The following SEC11C variants were observed in gnomAD, a reference collection of about 807,000 sequenced individuals.
SEC11C encodes the protein signal peptidase complex catalytic subunit SEC11C.
In SEC11C, 10 loss-of-function variants were observed where a neutral mutation model predicts 21.9. That is an observed-to-expected ratio of 0.46 (90% CI 0.28 to 0.77). SEC11C has a LOEUF of 0.77. SEC11C is among the 30% of genes least tolerant of loss of function. The pLI is 0.12. For missense variants in SEC11C, 145 were observed against 244.5 expected, an observed-to-expected ratio of 0.59 and a Z score of 2.71; for synonymous variants, 83 against 85.6, an observed-to-expected ratio of 0.97 and a Z score of 0.17.
At chr18:59,146,176 A>G (rs1293520319) in intron 1 of SEC11C, among the ~76,000 whole-genome samples, 1 of 152,148 alleles carries the variant, frequency 6.6e-6, no homozygotes, top group Non-Finnish European at 1.5e-5. Context: ...AGCAGTGGGA[A>G]TAGAGAGACC....
chr18:59,152,983 A>C (rs2069376316), intron 3 of SEC11C: 1 of 188,252 alleles, frequency 5.3e-6, no homozygotes, highest in South Asian at 1.8e-4. Context: ...AGTTATTTGA[A>C]GGAGCTCAAA....
chr18:59,155,974 A>T (rs1169000219), intron 4 of SEC11C, 167 bp downstream of exon 4: 1 of 709,862 alleles, frequency 1.4e-6, no homozygotes, highest in Middle Eastern at 4.1e-4. Flanking sequence ...AGAAATTCCT[A>T]AAGACCTAAA....
Position 59,155,827 on chromosome 18 carries a change from TTA to T in SEC11C, c.467+25_467+26del, listed in dbSNP as rs1164313533. On this transcript the variant is annotated intron_variant, in intron 4 of 5. Coordinates refer to ENST00000587834, the MANE Select transcript of SEC11C (RefSeq NM_033280.4). Reference sequence around the variant, plus strand: ...AAGAGGGTGAGGATTCACCTTTAAGTTATATAGAAGGTTATGAAAAACACTTA... The same window carrying T: ...AAGAGGGTGAGGATTCACCTTTAAGTTATAGAAGGTTATGAAAAACACTTA... The T allele has an allele frequency of 1.9e-6, 3 of 1,611,950 alleles. No homozygotes were observed. The highest frequency in any genetic ancestry group is 2.2e-5 in the East Asian group (1 of 44,832).
rs1418907951 is a variant in SEC11C at position 59,158,713 on chromosome 18, T to A, written c.*28T>A. On this transcript the variant is annotated 3_prime_UTR_variant, in exon 6 of 6. Transcript: ENST00000587834. Reference sequence around the variant, plus strand: ...TGAGAAGCAGTTCCTGGGACCAGATTGAAATGAATTCTGTTGAAAAAGAGA... The same window carrying A: ...TGAGAAGCAGTTCCTGGGACCAGATAGAAATGAATTCTGTTGAAAAAGAGA... 1 of 1,575,808 alleles carries A rather than the reference T, an allele frequency of 6.3e-7. No homozygotes were observed. Among genetic ancestry groups the A allele is most frequent in the African/African-American group, 1.3e-5 (1 of 74,144 alleles).
chr18:59,140,161 C>T (rs1017998111), intron 1 of SEC11C, 126 bp downstream of exon 1: 2 of 793,908 alleles, frequency 2.5e-6, no homozygotes, highest in African/African-American at 1.8e-5. Context: ...AGCTCCCGCG[C>T]TGGGCTCTCA....
intron 1 of SEC11C, chr18:59,147,729 AC>A (rs35837095): frequency 0.11 from 17,124 of 151,966 alleles, 1,478 homozygotes; most frequent in East Asian, 0.39. Flanking sequence ...AAGCAGTGAG[AC>A]CCCTCGCTCT....
chr18:59,158,336 G>A (rs1440572283), intron 5 of SEC11C, among the ~76,000 whole-genome samples: 3 of 151,930 alleles, frequency 2.0e-5, no homozygotes, highest in South Asian at 2.1e-4. Context: ...GATTACAGGC[G>A]TGTATCCATA....
At chr18:59,147,467 T>C (rs1647136103) in intron 1 of SEC11C, 1 of 152,118 alleles carries the variant, frequency 6.6e-6, no homozygotes, top group African/African-American at 2.4e-5. Flanking sequence ...TTAGAAGTTA[T>C]CAGTTACTCC....
intron 1 of SEC11C, among the ~76,000 whole-genome samples, chr18:59,140,858 G>A (rs900870185): frequency 7.2e-5 from 11 of 152,106 alleles, no homozygotes; most frequent in Admixed American, 6.5e-5. Flanking sequence ...GGATTGGAAA[G>A]GAAGCCCTCT....
At chr18:59,154,701 G>A (rs1479901199) in intron 3 of SEC11C, among the ~76,000 whole-genome samples, 1 of 152,198 alleles carries the variant, frequency 6.6e-6, no homozygotes, top group Non-Finnish European at 1.5e-5. Flanking sequence ...AAATTACTTT[G>A]TGCTCAAATC....
intron 3 of SEC11C, chr18:59,152,895 A>G (rs1026153792): frequency 7.3e-6 from 3 of 411,128 alleles, no homozygotes; most frequent in Non-Finnish European, 1.3e-5. Flanking sequence ...TGAGAATTAA[A>G]TGAACTAATG....
At chr18:59,142,418 G>A (rs939180430) in intron 1 of SEC11C, among the ~76,000 whole-genome samples, 4 of 152,104 alleles carry the variant, frequency 2.6e-5, no homozygotes, top group Non-Finnish European at 4.4e-5. Context: ...GTCTGAAAAC[G>A]GCAATCGTTG....
chr18:59,150,671 C>G (rs559867575), intron 2 of SEC11C, among the ~76,000 whole-genome samples: 1 of 152,130 alleles, frequency 6.6e-6, no homozygotes, highest in African/African-American at 2.4e-5. Flanking sequence ...TCACATGCAA[C>G]AGCACCACCT....
At chr18:59,152,411 C>A in intron 2 of SEC11C, 125 bp from the exon 3 acceptor site, 1 of 984,126 alleles carries the variant, frequency 1.0e-6, no homozygotes, top group Non-Finnish European at 1.5e-6. Context: ...AAGAAGGAAG[C>A]CACATTGGCT....
chr18:59,157,392 A>G, intron 4 of SEC11C: 1 of 455,020 alleles, frequency 2.2e-6, no homozygotes. Flanking sequence ...ATCTCAACCC[A>G]AGTGCCTACT....
chr18:59,149,662 C>T, intron 2 of SEC11C, 40 bp downstream of exon 2: 1 of 1,345,868 alleles, frequency 7.4e-7, no homozygotes, highest in Middle Eastern at 1.8e-4. Context: ...CAACCTCCAT[C>T]ACAAGGCTGC....
At chr18:59,148,714 C>T (rs891044920) in intron 1 of SEC11C, among the ~76,000 whole-genome samples, 1 of 151,952 alleles carries the variant, frequency 6.6e-6, no homozygotes, top group East Asian at 1.9e-4. Context: ...CCCGGGTTCA[C>T]GCCATTCTCC....
At chr18:59,147,776 C>T (rs2069294196) in intron 1 of SEC11C, 1 of 152,268 alleles carries the variant, frequency 6.6e-6, no homozygotes, top group Non-Finnish European at 1.5e-5. Flanking sequence ...CCCTCCTCAG[C>T]AGAGGTCTGG....
chr18:59,143,860 T>TC (rs57259686), intron 1 of SEC11C, among the ~76,000 whole-genome samples: 119 of 151,718 alleles, frequency 7.8e-4, no homozygotes, highest in Middle Eastern at 6.8e-3. Context: ...ATTTTCTTTT[T>TC]TTTTTTTTTG....
Sources: gnomAD v4.1 joint callset for allele counts (sites outside exome capture counted in the v4.1 genomes callset) on GRCh38, gnomAD v4.1.1 for gene constraint, MANE v1.5 for transcripts, NCBI Gene and HGNC (gene_info 2026-07-23, HGNC 2026-07-21) for gene names.